Variants in THSD7B observed in about 807,000 individuals in gnomAD.
THSD7B encodes the protein thrombospondin type-1 domain-containing protein 7B.
In THSD7B, 138 loss-of-function variants were observed where a neutral mutation model predicts 213.6. The observed-to-expected ratio is 0.65, with a 90% CI of 0.56 to 0.74. THSD7B has a LOEUF of 0.74. THSD7B is among the 30% of genes least tolerant of loss of function. THSD7B has a pLI of 0.00. For synonymous variants in THSD7B, 742 were observed against 687.0 expected (o/e 1.08, Z -1.25); for missense variants, 1,931 against 1,991.5 (o/e 0.97, Z 0.58).
rs568257735 is a variant in THSD7B, at chr2:137,518,988, C to T, written c.3139-44233C>T. Among the ~76,000 whole-genome samples, 53 of 152,328 alleles carry T rather than the reference C, an allele frequency of 3.5e-4. 1 individual carries two copies. In the Middle Eastern group the frequency reaches 0.048, roughly 137 times the overall value. On this transcript the variant is annotated intron_variant, in intron 15 of 27. Coordinates refer to ENST00000409968, the MANE Select transcript of THSD7B (RefSeq NM_001316349.2). ...AGGGGCTGGGCACGGTGGCTCACGC[C>T]TGTAATCCCAGCACTTTGGGAGGCC... is the stretch of plus-strand genomic sequence containing the variant.
At chr2:137,052,631 A>C (rs564958249) in intron 2 of THSD7B, among the ~76,000 whole-genome samples, 11 of 152,260 alleles carry the variant, frequency 7.2e-5, no homozygotes, top group African/African-American at 2.4e-4. Context: ...AACTGCTTAC[A>C]TTTTTAATTA....
intron 12 of THSD7B, among the ~76,000 whole-genome samples, chr2:137,297,652 G>T (rs566496558): frequency 1.1e-4 from 16 of 152,168 alleles, no homozygotes; most frequent in Admixed American, 3.3e-4. Context: ...CCCATGTGTT[G>T]TAGGAGGGAC....
chr2:137,510,863 A>G (rs1442381220), intron 15 of THSD7B, among the ~76,000 whole-genome samples: 3 of 152,114 alleles, frequency 2.0e-5, no homozygotes, highest in Admixed American at 2.0e-4. Flanking sequence ...TGTTTATACT[A>G]TTCGGGGTTT....
At chr2:137,435,192 T>C (rs1328940625) in intron 14 of THSD7B, among the ~76,000 whole-genome samples, 1 of 152,214 alleles carries the variant, frequency 6.6e-6, no homozygotes, top group African/African-American at 2.4e-5. Context: ...TTGCAGTTAA[T>C]TAACTTCATA....
chr2:137,522,541 C>G (rs76532805), intron 15 of THSD7B, among the ~76,000 whole-genome samples: 1 of 144,824 alleles, frequency 6.9e-6, no homozygotes, highest in East Asian at 2.1e-4. Flanking sequence ...TTTTTTTTTT[C>G]TTTTCCTTTT....
intron 2 of THSD7B, among the ~76,000 whole-genome samples, chr2:137,006,181 C>T (rs1297649832): frequency 6.6e-6 from 1 of 152,056 alleles, no homozygotes; most frequent in Admixed American, 6.5e-5. Flanking sequence ...ATCACGAGGT[C>T]AGGAGATTGA....
intron 17 of THSD7B, among the ~76,000 whole-genome samples, chr2:137,582,406 T>C (rs1320946124): frequency 1.3e-5 from 2 of 152,216 alleles, no homozygotes; most frequent in Non-Finnish European, 2.9e-5. Flanking sequence ...TTGTTACATA[T>C]GTATCCATGT....
chr2:137,383,127 C>T (rs947365239), intron 12 of THSD7B, among the ~76,000 whole-genome samples: 1 of 152,176 alleles, frequency 6.6e-6, no homozygotes, highest in Admixed American at 6.5e-5. Context: ...GGCCACCAAC[C>T]CATGTGGGGC....
chr2:136,807,095 G>C (rs1278952882), intron 1 of THSD7B, among the ~76,000 whole-genome samples: 1 of 152,158 alleles, frequency 6.6e-6, no homozygotes, highest in Non-Finnish European at 1.5e-5. Flanking sequence ...CAGCTGGCTA[G>C]GGTAGTGCTG....
At chr2:137,377,394 G>A (rs915614610) in intron 12 of THSD7B, among the ~76,000 whole-genome samples, 3 of 151,954 alleles carry the variant, frequency 2.0e-5, no homozygotes, top group African/African-American at 7.2e-5. Context: ...CTTATTTGTG[G>A]GTATACTTTT....
At chr2:137,320,427 A>C (rs1684237953) in intron 12 of THSD7B, among the ~76,000 whole-genome samples, 1 of 152,214 alleles carries the variant, frequency 6.6e-6, no homozygotes, top group South Asian at 2.1e-4. Context: ...AACTATTTTG[A>C]TATCATACAC....
At chr2:137,324,997 T>C (rs905728334) in intron 12 of THSD7B, among the ~76,000 whole-genome samples, 1 of 152,192 alleles carries the variant, frequency 6.6e-6, no homozygotes, top group African/African-American at 2.4e-5. Flanking sequence ...TCAGTTTCCA[T>C]GATATGATAC....
chr2:136,779,366 G>C (rs1681685944), intron 1 of THSD7B, among the ~76,000 whole-genome samples: 1 of 152,044 alleles, frequency 6.6e-6, no homozygotes, highest in Non-Finnish European at 1.5e-5. Flanking sequence ...AGAAAGACAA[G>C]TGTCTTTGTT....
intron 5 of THSD7B, among the ~76,000 whole-genome samples, chr2:137,125,269 T>G (rs1372278520): frequency 6.6e-6 from 1 of 152,210 alleles, no homozygotes; most frequent in Non-Finnish European, 1.5e-5. Flanking sequence ...GTAGTAGAAC[T>G]TATTTCAAAA....
chr2:137,510,465 A>G (rs1679938395), intron 15 of THSD7B, among the ~76,000 whole-genome samples: 1 of 152,140 alleles, frequency 6.6e-6, no homozygotes. Flanking sequence ...ATATAGTATA[A>G]CTTTGCTTCA....
At chr2:137,129,727 T>C in intron 5 of THSD7B, among the ~76,000 whole-genome samples, 1 of 152,170 alleles carries the variant, frequency 6.6e-6, no homozygotes, top group Admixed American at 6.5e-5. Flanking sequence ...GGGCATGAGC[T>C]ACCACACCTG....
intron 15 of THSD7B, among the ~76,000 whole-genome samples, chr2:137,514,459 G>T (rs1265527488): frequency 1.3e-5 from 2 of 152,136 alleles, no homozygotes; most frequent in African/African-American, 2.4e-5. Context: ...TGGCTTCCTT[G>T]CTCCTCAGCT....
At chr2:136,843,466 GA>G (rs1335479330) in intron 1 of THSD7B, among the ~76,000 whole-genome samples, 2 of 152,126 alleles carry the variant, frequency 1.3e-5, no homozygotes, top group Non-Finnish European at 2.9e-5. Flanking sequence ...TTAAAATGGA[GA>G]AAAAAATATT....
intron 2 of THSD7B, among the ~76,000 whole-genome samples, chr2:136,915,949 T>C (rs1684341533): frequency 6.6e-6 from 1 of 152,218 alleles, no homozygotes. Flanking sequence ...AAGTACATTT[T>C]AAAACAATTG....
Sources: allele counts gnomAD v4.1 joint callset (sites outside exome capture counted in the v4.1 genomes callset), GRCh38; gene constraint gnomAD v4.1.1; transcripts MANE v1.5; gene names NCBI Gene and HGNC (gene_info 2026-07-23, HGNC 2026-07-21).